The following GSTZ1 variants were observed in gnomAD, a reference collection of about 807,000 sequenced individuals.
GSTZ1 encodes the protein maleylacetoacetate isomerase.
A neutral mutation model predicts 35.9 loss-of-function variants in GSTZ1; 34 were observed. The observed-to-expected ratio is 0.95, with a 90% CI of 0.72 to 1.26. GSTZ1 has a LOEUF of 1.26. Among genes scored for constraint, GSTZ1 ranks in the 50% most tolerant of loss-of-function variants. The pLI is 0.00. For synonymous variants in GSTZ1, 93 were observed against 101.2 expected (o/e 0.92, Z 0.49); for missense variants, 263 against 271.7 (o/e 0.97, Z 0.23).
Position 77,327,521 on chromosome 14 carries a change from TGA to T in GSTZ1, c.186_187del (p.Lys63AspfsTer2). ...AATCCTATGAAGCAGGTGCCAACCC[TGA>T]AGATTGATGGAATCACCATTCACCA... On this transcript the variant is annotated frameshift_variant, in exon 4 of 9. Coordinates refer to ENST00000216465, the MANE Select transcript of GSTZ1 (RefSeq NM_145870.3). LOFTEE classifies it high-confidence loss of function. The T allele has an allele frequency of 6.2e-7, 1 of 1,607,950 alleles. No homozygotes were observed. Among genetic ancestry groups the T allele is most frequent in the South Asian group, 1.1e-5 (1 of 89,890 alleles).
In GSTZ1 at chr14:77,331,174, A is replaced by AC. The variant is rs1167369906; in HGVS notation, c.633dup (p.Thr212HisfsTer2). 2 of 1,613,818 alleles carry AC rather than the reference A, an allele frequency of 1.2e-6. No homozygotes were observed. The highest frequency in any genetic ancestry group is 1.7e-6 in the Non-Finnish European group (2 of 1,179,902). ...CTCACCCCTGCCGGCAGCCAGATACACCCACTGAGCTGAGGGCCTAGCTCC... is the reference window on the plus strand; with the variant it reads ...CTCACCCCTGCCGGCAGCCAGATACACCCCACTGAGCTGAGGGCCTAGCTCC... On this transcript the variant is annotated frameshift_variant, in exon 9 of 9. Transcript: ENST00000216465. LOFTEE classifies it high-confidence loss of function.
rs998153319 is a variant in GSTZ1, at chr14:77,331,003, G to C, written c.525-66G>C. ...CCAGCCCTGCCTCTCTGCTCCCCCT[G>C]CTGCATCAGGGCAGTCTCCCTGTGT... On this transcript the variant is annotated intron_variant, in intron 8 of 8. Coordinates refer to ENST00000216465, the MANE Select transcript of GSTZ1 (RefSeq NM_145870.3). The C allele has an allele frequency of 1.1e-5, 17 of 1,516,612 alleles. No homozygotes were observed. In the African/African-American group the frequency reaches 2.1e-4, roughly 18 times the overall value. 93.9% of individuals were successfully genotyped at this position (1,516,612 alleles called of 1,614,324 possible). A position where few individuals can be genotyped will look rare whatever the true frequency, so the allele number is the denominator to read the frequency against.
rs925311456 is a variant in GSTZ1 at position 77,324,100 on chromosome 14, A to T, written c.16-770A>T. 2.9e-5 allele frequency: 5 copies of T among 171,624 alleles called. No individual in the cohort carries two copies. The East Asian group carries it at 7.1e-4, about 25-fold the overall frequency. 10.6% of individuals were successfully genotyped at this position (171,624 alleles called of 1,614,324 possible). ...CCACGCTCTGTTGGGGGGACACCAA[A>T]CCTGGCCCCAGCAGGAGCGTAAGAA... On this transcript the variant is annotated intron_variant, in intron 1 of 8. Coordinates refer to ENST00000216465, the MANE Select transcript of GSTZ1 (RefSeq NM_145870.3).
intron 4 of GSTZ1, 142 bp from the exon 5 acceptor site, chr14:77,327,770 T>C (rs1287646318): frequency 1.1e-5 from 9 of 834,824 alleles, no homozygotes; most frequent in South Asian, 3.3e-5. Flanking sequence ...AAAAGGCTTA[T>C]AGGGCTTGAG....
At position 77,329,121 on chromosome 14, in the gene GSTZ1, A is replaced by G. The variant is rs1892480849; in HGVS notation, c.343-2A>G. On this transcript the variant is annotated splice_acceptor_variant, in intron 5 of 8. Transcript: ENST00000216465. LOFTEE classifies it high-confidence loss of function. The stretch of plus-strand genomic sequence containing the variant: ...ATCACAGATTTTCTTTGGGCTGCAC[A>G]GAACCTGTCTGTCCTGAAGCAAGTG... 6.2e-7 allele frequency: 1 copy of G among 1,609,054 alleles called. No individual in the cohort carries two copies. The highest frequency in any genetic ancestry group is 8.5e-7 in the Non-Finnish European group (1 of 1,175,318).
Position 77,330,264 on chromosome 14 carries a change from C to T in GSTZ1, c.475-46C>T, listed in dbSNP as rs750796999. 9.3e-6 allele frequency: 13 copies of T among 1,399,684 alleles called. No homozygotes were observed. The Admixed American group carries it at 1.8e-4, about 20-fold the overall frequency. 86.7% of individuals were successfully genotyped at this position (1,399,684 alleles called of 1,614,324 possible). A position where few individuals can be genotyped will look rare whatever the true frequency, so the allele number is the denominator to read the frequency against. ...TGGACACACCCAGTCCAGCCACTGA[C>T]TCTGGGGTATGCACCCTGATGGGAA... On this transcript the variant is annotated intron_variant, in intron 7 of 8. Coordinates refer to ENST00000216465, the MANE Select transcript of GSTZ1 (RefSeq NM_145870.3).
intron 7 of GSTZ1, 178 bp downstream of exon 7, chr14:77,329,985 C>G (rs1158210571): frequency 3.1e-6 from 2 of 652,392 alleles, no homozygotes; most frequent in Non-Finnish European, 5.6e-6. Context: ...AGGTAGAAGA[C>G]TGGCTGTGAG....
chr14:77,329,630 C>T, intron 6 of GSTZ1, 125 bp from the exon 7 acceptor site: 1 of 760,178 alleles, frequency 1.3e-6, no homozygotes. Flanking sequence ...ACATTCTCAC[C>T]AGCAGCCATG....
chr14:77,321,598 C>A, intron 1 of GSTZ1: 1 of 1,128,532 alleles, frequency 8.9e-7, no homozygotes, highest in South Asian at 1.7e-5. Flanking sequence ...TTTAAGAGTC[C>A]CCGGGCCGGG....
At chr14:77,322,814 T>A in intron 1 of GSTZ1, 2 of 540,992 alleles carry the variant, frequency 3.7e-6, no homozygotes, top group Non-Finnish European at 4.7e-6. Context: ...CCTTGCCATC[T>A]AGCAGACTGA....
chr14:77,329,876 G>A, intron 7 of GSTZ1, 69 bp downstream of exon 7: 1 of 1,178,246 alleles, frequency 8.5e-7, no homozygotes, highest in Non-Finnish European at 1.3e-6. Context: ...CCTCCCTCAA[G>A]CTCAGAGCTT....
chr14:77,326,126 A>T (rs572780540), intron 2 of GSTZ1: 1 of 152,376 alleles, frequency 6.6e-6, no homozygotes, highest in South Asian at 2.1e-4. Context: ...ACACACATGC[A>T]TGCACACGCA....
chr14:77,330,032 C>T (rs1485606925), intron 7 of GSTZ1: 3 of 651,052 alleles, frequency 4.6e-6, no homozygotes, highest in Non-Finnish European at 5.6e-6. Flanking sequence ...AGGGATTGTG[C>T]TAGATGATGT....
rs1485202219 is a variant in GSTZ1, at chr14:77,327,912, C to G, written c.217C>G (p.Leu73Val). Residue 73 changes from leucine (L) to valine (V), a missense_variant and splice_region_variant, in exon 5 of 9, where the codon CTG becomes GTG. Transcript: ENST00000216465. ...TGCCTCACTGCTCCCCTCTGGACAG[C>G]TGGCCATCATTGAGTATCTAGAGGA... ...KIDGITIHQS[L>V]AIIEYLEEMR... 9.9e-6 allele frequency: 16 copies of G among 1,613,758 alleles called. No individual in the cohort carries two copies. The highest frequency in any genetic ancestry group is 1.4e-5 in the Non-Finnish European group (16 of 1,179,934).
chr14:77,329,289 T>C (rs542487494), intron 6 of GSTZ1, 88 bp downstream of exon 6: 1 of 922,622 alleles, frequency 1.1e-6, no homozygotes, highest in East Asian at 2.4e-5. Flanking sequence ...TGAACCAGCC[T>C]CCCAGGCTGC....
In GSTZ1 at chr14:77,327,928, A is replaced by G. The variant is rs1892416249; in HGVS notation, c.233A>G (p.Tyr78Cys). ...TCTGGACAGCTGGCCATCATTGAGT[A>G]TCTAGAGGAGATGCGTCCCACTCCG... ...TIHQSLAIIE[Y>C]LEEMRPTPRL... Residue 78 changes from tyrosine to cysteine, a missense_variant, in exon 5 of 9, where the codon TAT becomes TGT. Transcript: ENST00000216465. 1.2e-6 allele frequency: 2 copies of G among 1,613,824 alleles called. No homozygotes were observed. Among genetic ancestry groups the G allele is most frequent in the Admixed American group, 1.7e-5 (1 of 59,998 alleles).
At chr14:77,321,717 A>C in intron 1 of GSTZ1, 1 of 221,860 alleles carries the variant, frequency 4.5e-6, no homozygotes, top group Non-Finnish European at 8.7e-6. Context: ...CCCTGTCTCT[A>C]TTAAAATACA....
rs536555408 is a variant in GSTZ1 at position 77,325,222 on chromosome 14, G to A, written c.67+301G>A. ...TAAAGCAGGGTCACAAAATCCACAT[G>A]CCCCTGGTAACTGGCAGGGGAACAG... On this transcript the variant is annotated intron_variant, in intron 2 of 8. Transcript: ENST00000216465. The A allele has an allele frequency of 7.0e-5, 26 of 372,690 alleles. No individual in the cohort carries two copies. In the South Asian group the frequency reaches 8.0e-4, roughly 11 times the overall value. The allele number at this position is 372,690 out of a possible 1,614,324, so 23.1% of individuals were successfully genotyped here. A position where few individuals can be genotyped will look rare whatever the true frequency, so the allele number is the denominator to read the frequency against.
chr14:77,322,039 G>A (rs558839461), intron 1 of GSTZ1, among the ~76,000 whole-genome samples: 3 of 152,242 alleles, frequency 2.0e-5, no homozygotes, highest in Admixed American at 2.0e-4. Context: ...TTTTATAAGC[G>A]GTCTAGATGG....
Sources: allele counts gnomAD v4.1 joint callset (sites outside exome capture counted in the v4.1 genomes callset), GRCh38; gene constraint gnomAD v4.1.1; transcripts MANE v1.5; gene names NCBI Gene and HGNC (gene_info 2026-07-23, HGNC 2026-07-21).